The following COL11A2 variants were observed in gnomAD, a reference collection of about 807,000 sequenced individuals.
COL11A2 encodes the protein collagen alpha-2(XI) chain.
A neutral mutation model predicts 273.4 loss-of-function variants in COL11A2; 116 were observed. The observed-to-expected ratio is 0.42, with a 90% CI of 0.36 to 0.49. The LOEUF (loss-of-function observed/expected upper bound fraction) is 0.49, where lower values mean the gene tolerates loss of function less well. Ranked by LOEUF, COL11A2 falls within the 20% of genes least tolerant of loss-of-function variation. The pLI, the probability that COL11A2 is intolerant of heterozygous loss-of-function variation, is 0.00. For synonymous variants in COL11A2, 782 were observed against 864.2 expected (o/e 0.90, Z 1.67); for missense variants, 1,866 against 2,309.0 (o/e 0.81, Z 3.93).
Position 33,178,077 on chromosome 6 carries a change from A to G in COL11A2, c.1872+55T>C. On this transcript the variant is annotated intron_variant, in intron 21 of 65. Transcript: ENST00000341947. This position sits in a 1 kb window ranked among gnomAD's most constrained non-coding sequence, Gnocchi z 4.6. ...AGCAGGAAGGCAGCTAGAAAGGTGG[A>G]GAGTTGGAGAGGTCAAGGGGTCACC... 6.5e-7 allele frequency: 1 copy of G among 1,537,148 alleles called. No individual in the cohort carries two copies. The highest frequency in any genetic ancestry group is 8.9e-7 in the Non-Finnish European group (1 of 1,123,554).
chr6:33,167,342 G>A lies in COL11A2; in HGVS notation c.4123-25C>T. The A allele has an allele frequency of 1.2e-6, 2 of 1,613,170 alleles. No homozygotes were observed. Among genetic ancestry groups the A allele is most frequent in the East Asian group, 2.2e-5 (1 of 44,870 alleles). Reference sequence around the variant, plus strand: ...CCTGAAGATTTGAGGGGGCCACAGGGGTCAGGAGGAGCATCCCCACACTGC... The same window carrying A: ...CCTGAAGATTTGAGGGGGCCACAGGAGTCAGGAGGAGCATCCCCACACTGC... On this transcript the variant is annotated intron_variant, in intron 56 of 65. Transcript: ENST00000341947. This position sits in a 1 kb window ranked among gnomAD's most constrained non-coding sequence, Gnocchi z 6.1.
In COL11A2 at chr6:33,165,907, G is replaced by A; in HGVS notation, c.4482+24C>T. The A allele has an allele frequency of 6.2e-7, 1 of 1,613,782 alleles. No individual in the cohort carries two copies. Among genetic ancestry groups the A allele is most frequent in the Non-Finnish European group, 8.5e-7 (1 of 1,179,996 alleles). On this transcript the variant is annotated intron_variant, in intron 62 of 65. Coordinates refer to ENST00000341947, the MANE Select transcript of COL11A2 (RefSeq NM_080680.3). This position sits in a 1 kb window ranked among gnomAD's most constrained non-coding sequence, Gnocchi z 7.7. The stretch of plus-strand genomic sequence containing the variant: ...GTGGAGCAGAGGGGTACGGCCCTGG[G>A]AGCAGCCCTGACTCCTCACTCACCG...
rs2150588475 is a variant in COL11A2 at position 33,181,152 on chromosome 6, C to T, written c.1138G>A (p.Gly380Arg). ...GGCTCTCCTTTCTCTCCCTTCAGCCCTCGGGGTCCATGGGCAGCCTGAAGG... is the reference window on the plus strand; with the variant it reads ...GGCTCTCCTTTCTCTCCCTTCAGCCTTCGGGGTCCATGGGCAGCCTGAAGG... Reference protein sequence around the residue: ...HSGAAAHGPRGLKGEKGEPAV... With the variant: ...HSGAAAHGPRRLKGEKGEPAV... Residue 380 changes from glycine to arginine, a missense_variant, in exon 9 of 66, where the codon GGG (glycine) becomes AGG (arginine). Coordinates refer to ENST00000341947, the MANE Select transcript of COL11A2 (RefSeq NM_080680.3). The T allele has an allele frequency of 1.9e-6, 3 of 1,614,216 alleles. No homozygotes were observed. In the African/African-American group the frequency reaches 4.0e-5, roughly 22 times the overall value.
At position 33,186,603 on chromosome 6, in the gene COL11A2, T is replaced by TG. The variant is rs761038949; in HGVS notation, c.798+23dup. 4 of 1,613,928 alleles carry TG rather than the reference T, an allele frequency of 2.5e-6. No individual in the cohort carries two copies. The African/African-American group carries it at 5.3e-5, about 22-fold the overall frequency. On this transcript the variant is annotated intron_variant, in intron 5 of 65. Coordinates refer to ENST00000341947, the MANE Select transcript of COL11A2 (RefSeq NM_080680.3). ...TTCCCTCTCTGGGGTGTGCTGCACT[T>TG]GGGGGTTCTCCCAGCTCCCTCACCT...
Position 33,164,727 on chromosome 6 carries a change from G to A in COL11A2, c.4863+125C>T. ...GAAAAGAAGAAAGAGCTAAGAAGTGGAGAAGGGGTGGCAGGCTCCGGGGGG... is the reference window on the plus strand; with the variant it reads ...GAAAAGAAGAAAGAGCTAAGAAGTGAAGAAGGGGTGGCAGGCTCCGGGGGG... On this transcript the variant is annotated intron_variant, in intron 64 of 65. Coordinates refer to ENST00000341947, the MANE Select transcript of COL11A2 (RefSeq NM_080680.3). This position sits in a 1 kb window ranked among gnomAD's most constrained non-coding sequence, Gnocchi z 4.7. The A allele has an allele frequency of 2.5e-6, 2 of 810,958 alleles. No individual in the cohort carries two copies. Among genetic ancestry groups the A allele is most frequent in the South Asian group, 3.2e-5 (2 of 63,410 alleles). The allele number at this position is 810,958 out of a possible 1,614,324, so 50.2% of individuals were successfully genotyped here.
intron 4 of COL11A2, among the ~76,000 whole-genome samples, chr6:33,187,908 C>T (rs1388895325): frequency 6.6e-6 from 1 of 151,496 alleles, no homozygotes; most frequent in African/African-American, 2.4e-5. Context: ...TGGGTGGAAG[C>T]ATAGATGGGT....
chr6:33,171,780 G>A lies in COL11A2; in HGVS notation c.3083C>T (p.Pro1028Leu), dbSNP rs549544364. The A allele has an allele frequency of 6.2e-7, 1 of 1,612,942 alleles. No homozygotes were observed. The highest frequency in any genetic ancestry group is 2.2e-5 in the East Asian group (1 of 44,866). ...GCCTGGGCGCCCTGGCGGACCAATG[G>A]GTCCCCCTGATCCTGCTGCACCTCG... ...GERGAAGSGG[P>L]IGPPGRPGPQ... The change falls in exon 42 of 66, where the codon CCC (proline) becomes CTC (leucine). Residue 1028 changes from proline (P) to leucine (L), a missense_variant. Pro to Leu is a moderately conservative substitution (Grantham distance 98, BLOSUM62 -3). Transcript: ENST00000341947.
Position 33,167,754 on chromosome 6 carries a change from G to T in COL11A2, c.4014+45C>A. The stretch of plus-strand genomic sequence containing the variant: ...TGGAGACGGAGGCATCTGAGGGGTG[G>T]GAGGCGGAGGGGATGCTCCAGCACT... On this transcript the variant is annotated intron_variant, in intron 55 of 65. Transcript: ENST00000341947. The surrounding 1 kb of genome is among the most constrained non-coding windows in gnomAD (Gnocchi z 6.1). 1 of 1,609,498 alleles carries T rather than the reference G, an allele frequency of 6.2e-7. No individual in the cohort carries two copies.
intron 4 of COL11A2, among the ~76,000 whole-genome samples, chr6:33,187,050 A>G (rs1047669330): frequency 2.6e-5 from 4 of 152,166 alleles, no homozygotes; most frequent in African/African-American, 9.7e-5. Context: ...CATTTTTCAG[A>G]TACGTTCCAT....
In COL11A2 at chr6:33,174,012, G is replaced by A. The variant is rs770007946; in HGVS notation, c.2528C>T (p.Thr843Met). The change falls in exon 33 of 66, where the codon ACG becomes ATG. Residue 843 changes from threonine to methionine, a missense_variant and splice_region_variant. Physicochemically the swap from Thr to Met is moderately conservative, Grantham distance 81. Transcript: ENST00000341947. Reference sequence around the variant, plus strand: ...CCTGTTTCTCTCCCCTGCACTCACCGTGGGGCCCCGTTCTCCCCGAGGCCC... The same window carrying A: ...CCTGTTTCTCTCCCCTGCACTCACCATGGGGCCCCGTTCTCCCCGAGGCCC... ...KSGPRGERGPTGPRGQRGPRG... is the reference protein window; with the variant it reads ...KSGPRGERGPMGPRGQRGPRG... The A allele has an allele frequency of 4.8e-5, 78 of 1,613,742 alleles. No individual in the cohort carries two copies. The highest frequency in any genetic ancestry group is 6.1e-5 in the Non-Finnish European group (72 of 1,179,986).
chr6:33,178,812 G>C lies in COL11A2; in HGVS notation c.1666-80C>G. 3.1e-6 allele frequency: 5 copies of C among 1,606,572 alleles called. No individual in the cohort carries two copies. The highest frequency in any genetic ancestry group is 4.3e-6 in the Non-Finnish European group (5 of 1,174,362). On this transcript the variant is annotated intron_variant, in intron 17 of 65. Transcript: ENST00000341947. The surrounding 1 kb of genome is among the most constrained non-coding windows in gnomAD (Gnocchi z 4.6). ...CTCCCTACTGCACCCTGAGCTGGGG[G>C]GGTGCTGATCCTGGGGAAGCCTGGA...
In COL11A2 at chr6:33,166,046, G is replaced by A; in HGVS notation, c.4429-62C>T. Reference sequence around the variant, plus strand: ...AGGTCAAGCATGGATCAAGGTCACAGAAAGATCAAATCAGCCTCCTGGCTG... The same window carrying A: ...AGGTCAAGCATGGATCAAGGTCACAAAAAGATCAAATCAGCCTCCTGGCTG... On this transcript the variant is annotated intron_variant, in intron 61 of 65. Transcript: ENST00000341947. This position sits in a 1 kb window ranked among gnomAD's most constrained non-coding sequence, Gnocchi z 4.8. 1 of 1,611,364 alleles carries A rather than the reference G, an allele frequency of 6.2e-7. No individual in the cohort carries two copies. The highest frequency in any genetic ancestry group is 2.2e-5 in the East Asian group (1 of 44,838).
At position 33,170,151 on chromosome 6, in the gene COL11A2, T is replaced by C. The variant is rs751084198; in HGVS notation, c.3583-51A>G. ...CATTGCTTAGGATGGAGGTGCCATT[T>C]CAGGGGCAAAGTCCCAGATGAGCAG... On this transcript the variant is annotated intron_variant, in intron 48 of 65. Coordinates refer to ENST00000341947, the MANE Select transcript of COL11A2 (RefSeq NM_080680.3). This position sits in a 1 kb window ranked among gnomAD's most constrained non-coding sequence, Gnocchi z 4.3. The C allele has an allele frequency of 6.2e-7, 1 of 1,611,662 alleles. No homozygotes were observed. Among genetic ancestry groups the C allele is most frequent in the South Asian group, 1.1e-5 (1 of 91,046 alleles).
At chr6:33,174,286 G>A (rs541250351) in intron 31 of COL11A2, 68 bp from the exon 32 acceptor site, 73 of 1,544,594 alleles carry the variant, frequency 4.7e-5, no homozygotes, top group Non-Finnish European at 6.1e-5. Flanking sequence ...GGGGCAAAGG[G>A]GGTCAGGAGA....
At chr6:33,180,612 T>C in intron 11 of COL11A2, 56 bp downstream of exon 11, 1 of 1,485,670 alleles carries the variant, frequency 6.7e-7, no homozygotes, top group South Asian at 1.2e-5. Flanking sequence ...AGCCCCCCGC[T>C]TGGATACCAC....
At position 33,166,970 on chromosome 6, in the gene COL11A2, C is replaced by T; in HGVS notation, c.4230+100G>A. ...AGCAGGGACTCCCTGGGACTGGCTG[C>T]CGGAGGCCTGAAGCAGAGCAGTGGG... On this transcript the variant is annotated intron_variant, in intron 58 of 65. Transcript: ENST00000341947. This position sits in a 1 kb window ranked among gnomAD's most constrained non-coding sequence, Gnocchi z 4.8. 6.4e-7 allele frequency: 1 copy of T among 1,561,290 alleles called. No homozygotes were observed.
chr6:33,191,988 A>G (rs191698657), intron 1 of COL11A2, among the ~76,000 whole-genome samples, 171 bp downstream of exon 1: 4 of 152,254 alleles, frequency 2.6e-5, no homozygotes, highest in African/African-American at 9.6e-5. Context: ...AGAGATTCCT[A>G]CCCTGATGCC....
intron 43 of COL11A2, 40 bp from the exon 44 acceptor site, chr6:33,171,364 T>TG (rs1167442080): frequency 2.7e-5 from 44 of 1,613,018 alleles, no homozygotes; most frequent in Non-Finnish European, 3.7e-5. Flanking sequence ...AGAAAGGTGA[T>TG]GGGTAGAGTG....
chr6:33,166,152 G>A lies in COL11A2; in HGVS notation c.4428+19C>T. Reference sequence around the variant, plus strand: ...CAGAGGGGGTGGAGCAAAGGTCAGAGCTGAAGGGGGTCACTCACTGTGGCT... The same window carrying A: ...CAGAGGGGGTGGAGCAAAGGTCAGAACTGAAGGGGGTCACTCACTGTGGCT... On this transcript the variant is annotated intron_variant, in intron 61 of 65. Coordinates refer to ENST00000341947, the MANE Select transcript of COL11A2 (RefSeq NM_080680.3). This position sits in a 1 kb window ranked among gnomAD's most constrained non-coding sequence, Gnocchi z 4.8. The A allele has an allele frequency of 1.2e-6, 2 of 1,608,540 alleles. No homozygotes were observed. Among genetic ancestry groups the A allele is most frequent in the Non-Finnish European group, 1.7e-6 (2 of 1,177,910 alleles).
Sources: allele counts gnomAD v4.1 joint callset (sites outside exome capture counted in the v4.1 genomes callset), GRCh38; gene constraint gnomAD v4.1.1; non-coding constraint Gnocchi (gnomAD v3.1); transcripts MANE v1.5; gene names NCBI Gene and HGNC (gene_info 2026-07-23, HGNC 2026-07-21).